Variants in BAALC observed in about 807,000 individuals in gnomAD.
BAALC encodes BAALC binder of MAP3K1 and KLF4.
In BAALC, 9 loss-of-function variants were observed where a neutral mutation model predicts 15.5. The ratio of observed to expected loss-of-function variants is 0.58; its 90% confidence interval spans 0.35 to 1.02. BAALC has a LOEUF of 1.02. Among genes scored for constraint, BAALC ranks in the 50% least tolerant of loss-of-function variants. The pLI, the probability that BAALC is intolerant of heterozygous loss-of-function variation, is 0.02. For synonymous variants in BAALC, 80 were observed against 74.6 expected (o/e 1.07, Z -0.37); for missense variants, 201 against 192.4 (o/e 1.04, Z -0.27).
In BAALC at chr8:103,228,061, G is replaced by C. The variant is rs374470811; in HGVS notation, c.400G>C (p.Asp134His). 6.2e-7 allele frequency: 1 copy of C among 1,613,374 alleles called. No homozygotes were observed. The highest frequency in any genetic ancestry group is 1.1e-5 in the South Asian group (1 of 91,022). Residue 134 changes from aspartate to histidine, a missense_variant, in exon 3 of 3, where the codon GAC (aspartate) becomes CAC (histidine). Coordinates refer to ENST00000309982, the MANE Select transcript of BAALC (RefSeq NM_024812.3). ...TGTAACAGATAGCATCCAACAGATG[G>C]ACAGAAGTCGAAGAATCACAAAGAA... ...INVTDSIQQM[D>H]RSRRITKNCV... is the part of the protein sequence containing the mutation.
At chr8:103,212,122 C>T (rs1022366742) in intron 1 of BAALC, among the ~76,000 whole-genome samples, 2 of 152,018 alleles carry the variant, frequency 1.3e-5, no homozygotes, top group Admixed American at 1.3e-4. Context: ...ATACTCAGTC[C>T]AACACTTTGA....
At chr8:103,164,145 CT>C (rs1811290259) in intron 1 of BAALC, among the ~76,000 whole-genome samples, 2 of 152,150 alleles carry the variant, frequency 1.3e-5, no homozygotes, top group Non-Finnish European at 2.9e-5. Context: ...AGAGCAGGAG[CT>C]GCTTTGTGAG....
At chr8:103,200,957 AC>A (rs768763023) in intron 1 of BAALC, among the ~76,000 whole-genome samples, 18 of 152,128 alleles carry the variant, frequency 1.2e-4, no homozygotes, top group Non-Finnish European at 2.5e-4. Context: ...GCATTAGAAT[AC>A]TTTTTCCCTA....
chr8:103,205,815 C>G (rs533653174), intron 1 of BAALC, among the ~76,000 whole-genome samples: 15 of 152,282 alleles, frequency 9.9e-5, no homozygotes, highest in African/African-American at 3.6e-4. Flanking sequence ...TGGAAACATA[C>G]GGAACCTGGG....
At chr8:103,188,926 A>G (rs1811906066) in intron 1 of BAALC, among the ~76,000 whole-genome samples, 1 of 152,226 alleles carries the variant, frequency 6.6e-6, no homozygotes. Flanking sequence ...GAAACGTTAA[A>G]AGTGGAGATT....
intron 1 of BAALC, among the ~76,000 whole-genome samples, chr8:103,175,516 A>T (rs974010012): frequency 6.6e-6 from 1 of 152,152 alleles, no homozygotes; most frequent in African/African-American, 2.4e-5. Context: ...AATTTGGGAG[A>T]ATCTTGGAAG....
intron 1 of BAALC, among the ~76,000 whole-genome samples, chr8:103,187,565 G>A (rs188986927): frequency 6.6e-6 from 1 of 152,290 alleles, no homozygotes; most frequent in Admixed American, 6.5e-5. Context: ...AGCTTAGAGT[G>A]GCCCCCAGGT....
intron 2 of BAALC, among the ~76,000 whole-genome samples, chr8:103,227,756 TC>T (rs1184590145): frequency 6.6e-6 from 1 of 151,506 alleles, no homozygotes; most frequent in African/African-American, 2.4e-5. Context: ...CCCTCCCTTT[TC>T]CTTTCCTCTT....
At chr8:103,152,722 T>C (rs1004114402) in intron 1 of BAALC, among the ~76,000 whole-genome samples, 1 of 152,152 alleles carries the variant, frequency 6.6e-6, no homozygotes, top group Non-Finnish European at 1.5e-5. Flanking sequence ...ACTCCAGGAA[T>C]GGGATTTAGC....
chr8:103,177,049 C>G (rs1446322525), intron 1 of BAALC, among the ~76,000 whole-genome samples: 1 of 152,094 alleles, frequency 6.6e-6, no homozygotes, highest in Non-Finnish European at 1.5e-5. Context: ...AGGTTTTCCT[C>G]TGGGTTTTTG....
chr8:103,193,725 CA>C (rs1812026751), intron 1 of BAALC, among the ~76,000 whole-genome samples: 1 of 152,204 alleles, frequency 6.6e-6, no homozygotes, highest in Non-Finnish European at 1.5e-5. Context: ...TGCCCACTTA[CA>C]GGAGTAAATA....
chr8:103,147,325 A>G (rs1810897582), intron 1 of BAALC, among the ~76,000 whole-genome samples: 1 of 152,252 alleles, frequency 6.6e-6, no homozygotes, highest in South Asian at 2.1e-4. Context: ...AAGAATGAAT[A>G]AGACCTACTA....
At position 103,194,082 on chromosome 8, in the gene BAALC, C is replaced by A. The variant is rs927299900; in HGVS notation, c.161-18837C>A. Among the ~76,000 whole-genome samples, 8 of 152,172 alleles carry A rather than the reference C, an allele frequency of 5.3e-5. No individual in the cohort carries two copies. The East Asian group carries it at 1.3e-3, about 26-fold the overall frequency. On this transcript the variant is annotated intron_variant, in intron 1 of 2. Transcript: ENST00000309982. ...TTTTCTTTTGATGCAAAGAAAACCT[C>A]TTTGAAATCCTCTTACTCTCAGACT...
intron 2 of BAALC, among the ~76,000 whole-genome samples, chr8:103,227,078 C>T (rs904402464): frequency 5.9e-5 from 9 of 152,172 alleles, no homozygotes; most frequent in African/African-American, 1.9e-4. Context: ...CTATTCCAGG[C>T]TCTGTGCTGT....
At position 103,157,360 on chromosome 8, in the gene BAALC, G is replaced by A. The variant is rs1452320646; in HGVS notation, c.160+16303G>A. Among the ~76,000 whole-genome samples the A allele has an allele frequency of 4.0e-5, 6 of 151,880 alleles. No individual in the cohort carries two copies. In the East Asian group the frequency reaches 5.8e-4, roughly 15 times the overall value. On this transcript the variant is annotated intron_variant, in intron 1 of 2. Coordinates refer to ENST00000309982, the MANE Select transcript of BAALC (RefSeq NM_024812.3). ...ATAATATTATATAATAAACCCCCACGTATCCATCACAGCTTCAACGCATTG... is the reference window on the plus strand; with the variant it reads ...ATAATATTATATAATAAACCCCCACATATCCATCACAGCTTCAACGCATTG...
chr8:103,179,265 A>G (rs1811675224), intron 1 of BAALC, among the ~76,000 whole-genome samples: 1 of 152,216 alleles, frequency 6.6e-6, no homozygotes, highest in Non-Finnish European at 1.5e-5. Flanking sequence ...TAGGATGTTT[A>G]GTAGCATGTG....
chr8:103,179,338 C>A (rs1811676536), intron 1 of BAALC, among the ~76,000 whole-genome samples: 3 of 152,148 alleles, frequency 2.0e-5, no homozygotes, highest in Admixed American at 2.0e-4. Context: ...TGGGTAGGAG[C>A]CCCAGAACAC....
intron 1 of BAALC, among the ~76,000 whole-genome samples, chr8:103,159,737 G>C (rs1811179892): frequency 6.6e-6 from 1 of 151,972 alleles, no homozygotes; most frequent in Non-Finnish European, 1.5e-5. Flanking sequence ...TGTTTTTCTA[G>C]GCTTATTATT....
intron 1 of BAALC, among the ~76,000 whole-genome samples, chr8:103,163,139 AC>A (rs1158487310): frequency 1.3e-5 from 2 of 151,760 alleles, no homozygotes; most frequent in East Asian, 3.9e-4. Flanking sequence ...TTGGAAATGG[AC>A]CTTCTCCCTC....
Sources: gnomAD v4.1 joint callset for allele counts (sites outside exome capture counted in the v4.1 genomes callset) on GRCh38, gnomAD v4.1.1 for gene constraint, MANE v1.5 for transcripts, NCBI Gene and HGNC (gene_info 2026-07-23, HGNC 2026-07-21) for gene names.